Variants in DGKB observed in about 807,000 individuals in gnomAD.
DGKB encodes 90 kDa diacylglycerol kinase.
Under a neutral mutation model 114.3 loss-of-function variants are expected in DGKB, and 67 were observed. The ratio of observed to expected loss-of-function variants is 0.59; its 90% CI spans 0.48 to 0.72. The LOEUF (loss-of-function observed/expected upper bound fraction) is 0.72. Ranked by LOEUF, DGKB falls within the 30% of genes least tolerant of loss-of-function variation. The pLI is 0.00. For missense variants in DGKB, 907 were observed against 975.2 expected (o/e 0.93, Z 0.93); for synonymous variants, 398 against 323.1 (o/e 1.23, Z -2.49).
chr7:14,619,196 T>C (rs886355392), intron 15 of DGKB, among the ~76,000 whole-genome samples: 4 of 148,528 alleles, frequency 2.7e-5, no homozygotes, highest in Admixed American at 7.6e-5. Flanking sequence ...TTAACTGGTG[T>C]TTTTTTAGGG....
intron 20 of DGKB, among the ~76,000 whole-genome samples, chr7:14,513,372 G>C (rs1788275332): frequency 6.6e-6 from 1 of 151,900 alleles, no homozygotes; most frequent in South Asian, 2.1e-4. Flanking sequence ...AGCTTAACTT[G>C]CCTTTTCTGA....
At chr7:14,658,953 G>T (rs976759478) in intron 13 of DGKB, among the ~76,000 whole-genome samples, 22 of 151,878 alleles carry the variant, frequency 1.4e-4, no homozygotes, top group African/African-American at 5.1e-4. Context: ...CGCAGAATGT[G>T]CAGGTTTGTT....
At chr7:14,158,364 T>G (rs1783355187) in intron 25 of DGKB, among the ~76,000 whole-genome samples, 1 of 152,124 alleles carries the variant, frequency 6.6e-6, no homozygotes, top group South Asian at 2.1e-4. Flanking sequence ...AGACACCAAT[T>G]TTACCCAAAA....
intron 1 of DGKB, among the ~76,000 whole-genome samples, chr7:14,956,464 T>C (rs918117993): frequency 6.6e-6 from 1 of 152,018 alleles, no homozygotes; most frequent in Non-Finnish European, 1.5e-5. Flanking sequence ...AAGCCTTTGT[T>C]AAAAATCAAA....
intron 21 of DGKB, among the ~76,000 whole-genome samples, chr7:14,387,401 G>T (rs1229723028): frequency 9.8e-6 from 1 of 102,038 alleles, no homozygotes; most frequent in African/African-American, 3.9e-5. Context: ...GACAGAGTGA[G>T]ACTCCATCTC....
intron 21 of DGKB, among the ~76,000 whole-genome samples, chr7:14,370,505 T>C (rs1817458930): frequency 6.6e-6 from 1 of 152,218 alleles, no homozygotes. Flanking sequence ...AATCTATAAA[T>C]TACTTTGGGC....
At chr7:14,163,345 A>T (rs1353813294) in intron 25 of DGKB, among the ~76,000 whole-genome samples, 1 of 152,216 alleles carries the variant, frequency 6.6e-6, no homozygotes, top group Non-Finnish European at 1.5e-5. Context: ...GTCAATTACA[A>T]AAAACAACAA....
intron 15 of DGKB, among the ~76,000 whole-genome samples, chr7:14,619,177 G>A (rs1433045007): frequency 6.6e-6 from 1 of 150,428 alleles, no homozygotes; most frequent in Non-Finnish European, 1.5e-5. Context: ...CTACACATAT[G>A]GTATTTTTTT....
At chr7:14,706,566 G>A (rs1450916171) in intron 6 of DGKB, among the ~76,000 whole-genome samples, 2 of 132,456 alleles carry the variant, frequency 1.5e-5, no homozygotes, top group African/African-American at 5.9e-5. Context: ...ATACTTGGAA[G>A]TAAAGCTCTC....
intron 21 of DGKB, among the ~76,000 whole-genome samples, chr7:14,379,666 TCTC>T (rs1228470188): frequency 1.3e-5 from 2 of 152,120 alleles, no homozygotes; most frequent in Admixed American, 6.5e-5. Context: ...TTCAAGCAAT[TCTC>T]CTCTCTCAGC....
intron 21 of DGKB, among the ~76,000 whole-genome samples, chr7:14,426,961 G>T (rs2128777876): frequency 6.6e-6 from 1 of 152,070 alleles, no homozygotes; most frequent in East Asian, 1.9e-4. Context: ...TTAAGAGGCT[G>T]AGGCATGAAA....
rs542755047 is a variant in DGKB, at chr7:14,682,736, C to A, written c.918+17G>T. ...ATAATGGCCACCTTCAGAAAGCAAG[C>A]ATGCACACAAACTTACATCAGTGTT... On this transcript the variant is annotated intron_variant, in intron 11 of 25. Transcript: ENST00000402815. 3.7e-5 allele frequency: 60 copies of A among 1,610,506 alleles called. No individual in the cohort carries two copies. In the South Asian group the frequency reaches 6.3e-4, roughly 17 times the overall value.
intron 20 of DGKB, among the ~76,000 whole-genome samples, chr7:14,514,122 G>A (rs1788402230): frequency 6.6e-6 from 1 of 151,826 alleles, no homozygotes; most frequent in Admixed American, 6.6e-5. Flanking sequence ...TTGATTTTGG[G>A]TACCACTTAA....
At chr7:14,827,517 A>C (rs1845861862) in intron 2 of DGKB, among the ~76,000 whole-genome samples, 1 of 151,872 alleles carries the variant, frequency 6.6e-6, no homozygotes, top group Non-Finnish European at 1.5e-5. Flanking sequence ...GGAAGAAACT[A>C]CTCTTTGAAA....
intron 4 of DGKB, among the ~76,000 whole-genome samples, chr7:14,747,775 G>GCGCGCA: frequency 2.0e-5 from 3 of 149,278 alleles, no homozygotes; most frequent in African/African-American, 7.6e-5. Flanking sequence ...ACATCCACGC[G>GCGCGCA]CACGCACACA....
At chr7:14,382,102 C>T (rs1391756295) in intron 21 of DGKB, among the ~76,000 whole-genome samples, 4 of 78,322 alleles carry the variant, frequency 5.1e-5, no homozygotes, top group African/African-American at 1.4e-4. Context: ...GTTTTTGTCT[C>T]AGGTTCACCT....
chr7:14,427,341 T>C (rs1320422482), intron 21 of DGKB, among the ~76,000 whole-genome samples: 1 of 152,124 alleles, frequency 6.6e-6, no homozygotes, highest in Admixed American at 6.6e-5. Context: ...TCATTGCCCA[T>C]ATCACTATCA....
At chr7:14,649,299 G>C (rs997380790) in intron 13 of DGKB, among the ~76,000 whole-genome samples, 8 of 151,570 alleles carry the variant, frequency 5.3e-5, no homozygotes, top group Non-Finnish European at 8.8e-5. Flanking sequence ...CGGATCTCTC[G>C]GCAGAAACCC....
intron 1 of DGKB, among the ~76,000 whole-genome samples, chr7:14,960,908 C>A (rs768883053): frequency 7.2e-5 from 11 of 152,052 alleles, no homozygotes; most frequent in Non-Finnish European, 1.5e-4. Context: ...TGTTTTATTA[C>A]CCATGATCTC....
Sources: gnomAD v4.1 joint callset for allele counts (sites outside exome capture counted in the v4.1 genomes callset) on GRCh38, gnomAD v4.1.1 for gene constraint, MANE v1.5 for transcripts, NCBI Gene and HGNC (gene_info 2026-07-23, HGNC 2026-07-21) for gene names.